The following PRUNE2 variants were observed in gnomAD, a reference collection of about 807,000 sequenced individuals.
The protein encoded by PRUNE2 is protein prune homolog 2.
Under a neutral mutation model 252.0 loss-of-function variants are expected in PRUNE2, and 164 were observed. The observed-to-expected ratio is 0.65, with a 90% CI of 0.57 to 0.74. The LOEUF (loss-of-function observed/expected upper bound fraction) is 0.74. Ranked by LOEUF, PRUNE2 falls within the 30% of genes least tolerant of loss-of-function variation. The pLI is 0.00. For missense variants in PRUNE2, 3,495 were observed against 3,711.0 expected (o/e 0.94, Z 1.51); for synonymous variants, 1,292 against 1,350.2 (o/e 0.96, Z 0.94).
At chr9:76,802,465 T>G (rs1330419613) in intron 6 of PRUNE2, among the ~76,000 whole-genome samples, 1 of 152,188 alleles carries the variant, frequency 6.6e-6, no homozygotes, top group Non-Finnish European at 1.5e-5. Flanking sequence ...CCCTAACTTC[T>G]CACAACAGGC....
intron 1 of PRUNE2, among the ~76,000 whole-genome samples, chr9:76,884,389 C>T (rs1274012047): frequency 6.6e-6 from 1 of 152,180 alleles, no homozygotes; most frequent in Non-Finnish European, 1.5e-5. Context: ...GCTTCAAATG[C>T]ATTTAATCTT....
chr9:76,882,479 T>C (rs893179884), intron 1 of PRUNE2, among the ~76,000 whole-genome samples: 1 of 152,234 alleles, frequency 6.6e-6, no homozygotes, highest in Non-Finnish European at 1.5e-5. Context: ...CTCACATTTC[T>C]GCAGGCTGTA....
intron 1 of PRUNE2, among the ~76,000 whole-genome samples, chr9:76,854,831 G>A (rs892118288): frequency 6.6e-6 from 1 of 151,932 alleles, no homozygotes; most frequent in Non-Finnish European, 1.5e-5. Flanking sequence ...TTAGGAGGCT[G>A]AGGCAGGTGG....
intron 6 of PRUNE2, among the ~76,000 whole-genome samples, chr9:76,722,224 A>ATTTTT (rs57390775): frequency 7.7e-6 from 1 of 130,558 alleles, no homozygotes; most frequent in Non-Finnish European, 1.7e-5. Flanking sequence ...ACACCCTGCT[A>ATTTTT]TTTTTTTTTT....
intron 6 of PRUNE2, among the ~76,000 whole-genome samples, chr9:76,791,129 T>C (rs926744423): frequency 6.6e-6 from 1 of 152,208 alleles, no homozygotes; most frequent in Non-Finnish European, 1.5e-5. Flanking sequence ...TTCAGCTATG[T>C]GATGAGTAAG....
At chr9:76,794,465 A>C (rs1262134798) in intron 6 of PRUNE2, among the ~76,000 whole-genome samples, 1 of 151,922 alleles carries the variant, frequency 6.6e-6, no homozygotes, top group Non-Finnish European at 1.5e-5. Flanking sequence ...AAATACAAAA[A>C]TTAGCTGGGC....
Position 76,710,719 on chromosome 9 carries a change from C to A in PRUNE2, c.1555G>T (p.Asp519Tyr). ...SSHSADYSPA[D>Y]DFFPNSDLSE... ...AGGTCACTGTTGGGGAAGAAGTCAT[C>A]TGCTGGGGAGTAGTCTGCAGAATGA... is the stretch of plus-strand genomic sequence containing the variant. The change falls in exon 8 of 19, where the codon GAT (aspartate) becomes TAT (tyrosine). Residue 519 changes from aspartate to tyrosine, a missense_variant. Physicochemically the swap from Asp to Tyr is radical, Grantham distance 160. Transcript: ENST00000376718. 6.2e-7 allele frequency: 1 copy of A among 1,612,862 alleles called. No homozygotes were observed. Among genetic ancestry groups the A allele is most frequent in the Non-Finnish European group, 8.5e-7 (1 of 1,179,444 alleles).
intron 6 of PRUNE2, among the ~76,000 whole-genome samples, chr9:76,752,648 G>A (rs955820339): frequency 2.0e-5 from 3 of 152,128 alleles, no homozygotes; most frequent in African/African-American, 7.2e-5. Flanking sequence ...TAATACAGCA[G>A]GCAACGCTCT....
At chr9:76,842,426 G>A (rs1260249878) in intron 4 of PRUNE2, among the ~76,000 whole-genome samples, 2 of 152,130 alleles carry the variant, frequency 1.3e-5, no homozygotes, top group Non-Finnish European at 2.9e-5. Context: ...ACACAGGCAT[G>A]GGCAAAGACT....
rs142674568 is a variant in PRUNE2 at position 76,724,657 on chromosome 9, C to A, written c.757-10936G>T. ...ATAAAAGTAGTCCCAGGCACTCTTA[C>A]AAGCAGTTAATAATAGATTGAATAC... On this transcript the variant is annotated intron_variant, in intron 6 of 18. Transcript: ENST00000376718. Among the ~76,000 whole-genome samples the A allele has an allele frequency of 3.7e-3, 560 of 152,294 alleles. 1 individual carries two copies. The highest frequency in any genetic ancestry group is 5.2e-3 in the Non-Finnish European group (353 of 68,028).
rs921261214 is a variant in PRUNE2, at chr9:76,772,528, G to A, written c.756+51104C>T. ...AGTTTTGCAAAAGTCTCCTCCCATG[G>A]ACAAGGTTAACTGCAACTTGTGAAC... On this transcript the variant is annotated intron_variant, in intron 6 of 18. Coordinates refer to ENST00000376718, the MANE Select transcript of PRUNE2 (RefSeq NM_015225.3). Among the ~76,000 whole-genome samples the A allele has an allele frequency of 1.2e-4, 18 of 152,110 alleles. No homozygotes were observed. In the East Asian group the frequency reaches 1.4e-3, roughly 11 times the overall value.
intron 13 of PRUNE2, among the ~76,000 whole-genome samples, 197 bp downstream of exon 13, chr9:76,637,989 A>G (rs1265353704): frequency 2.6e-5 from 4 of 152,244 alleles, no homozygotes; most frequent in African/African-American, 9.6e-5. Context: ...TCTTGGTTTC[A>G]GTCTAGTCTA....
intron 14 of PRUNE2, among the ~76,000 whole-genome samples, chr9:76,636,972 A>AGTGT (rs367745600): frequency 0.03 from 3,986 of 131,498 alleles, 96 homozygotes; most frequent in Non-Finnish European, 0.043. Flanking sequence ...CAACAACAAA[A>AGTGT]ATGTGTGTGT....
chr9:76,831,293 T>C (rs144421367), intron 4 of PRUNE2, among the ~76,000 whole-genome samples: 109 of 105,566 alleles, frequency 1.0e-3, no homozygotes, highest in African/African-American at 3.5e-3. Flanking sequence ...TCTGAAAGTA[T>C]GCGTCACAAG....
chr9:76,670,711 A>G (rs867057250), intron 9 of PRUNE2, among the ~76,000 whole-genome samples: 2,085 of 151,574 alleles, frequency 0.014, 41 homozygotes, highest in African/African-American at 0.039. Flanking sequence ...ATCTGAGAAC[A>G]GGCAGACTGC....
At chr9:76,837,441 A>AAATATTATAATAATAAT (rs147526426) in intron 4 of PRUNE2, among the ~76,000 whole-genome samples, 270 of 134,832 alleles carry the variant, frequency 2.0e-3, no homozygotes, top group Non-Finnish European at 2.9e-3. Context: ...ACTCTGTCTC[A>AAATATTATAATAATAAT]AATAATAATA....
At chr9:76,782,555 T>C (rs1346978157) in intron 6 of PRUNE2, 1 of 152,224 alleles carries the variant, frequency 6.6e-6, no homozygotes, top group Non-Finnish European at 1.5e-5. Flanking sequence ...TGTAAAATCC[T>C]TCAAAGAGTC....
In PRUNE2 at chr9:76,708,835, T is replaced by C. The variant is rs572417355; in HGVS notation, c.3439A>G (p.Ile1147Val). ...CCTTCTGTTTGACCATCACTGGGGATTGCCGCACCCCCACTGCAGTCATCC... is the reference window on the plus strand; with the variant it reads ...CCTTCTGTTTGACCATCACTGGGGACTGCCGCACCCCCACTGCAGTCATCC... ...DWDDCSGGAA[I>V]PSDGQTEGYM... Residue 1147 changes from isoleucine to valine, a missense_variant, in exon 8 of 19, where the codon ATC becomes GTC. Physicochemically the swap from Ile to Val is conservative, Grantham distance 29. Transcript: ENST00000376718. 1.6e-5 allele frequency: 26 copies of C among 1,613,908 alleles called. No individual in the cohort carries two copies. Among genetic ancestry groups the C allele is most frequent in the Middle Eastern group, 1.6e-4 (1 of 6,062 alleles).
At chr9:76,892,951 G>A (rs985392240) in intron 1 of PRUNE2, among the ~76,000 whole-genome samples, 1 of 152,164 alleles carries the variant, frequency 6.6e-6, no homozygotes, top group Non-Finnish European at 1.5e-5. Flanking sequence ...GGGCACAGTG[G>A]CTCACACCTC....
Sources: allele counts gnomAD v4.1 joint callset (sites outside exome capture counted in the v4.1 genomes callset), GRCh38; gene constraint gnomAD v4.1.1; transcripts MANE v1.5; gene names NCBI Gene and HGNC (gene_info 2026-07-23, HGNC 2026-07-21).